The following RNGTT variants were observed in gnomAD, a reference collection of about 807,000 sequenced individuals.
RNGTT encodes the protein RNA guanylyltransferase and 5'-phosphatase, also known as mRNA-capping enzyme.
RNGTT carries 33 observed loss-of-function variants against 79.3 expected under a neutral mutation model. That is an observed-to-expected ratio of 0.42 (90% CI 0.32 to 0.56). The LOEUF (loss-of-function observed/expected upper bound fraction) is 0.56, where lower values mean the gene tolerates loss of function less well. Ranked by LOEUF, RNGTT falls within the 20% of genes least tolerant of loss-of-function variation. The pLI is 0.17. For synonymous variants in RNGTT, 222 were observed against 235.9 expected (o/e 0.94, Z 0.54); for missense variants, 497 against 739.1 (o/e 0.67, Z 3.80).
intron 4 of RNGTT, among the ~76,000 whole-genome samples, chr6:88,914,098 TAGG>T (rs1783920727): frequency 6.6e-6 from 1 of 152,188 alleles, no homozygotes; most frequent in South Asian, 2.1e-4. Flanking sequence ...AGATCTGTAC[TAGG>T]AGAACTACAA....
chr6:88,611,519 CAATCAATTAGCCGCCCTTTA>C lies in RNGTT; in HGVS notation c.*1180_*1199del, dbSNP rs66919167. On this transcript the variant is annotated 3_prime_UTR_variant, in exon 16 of 16. Transcript: ENST00000369485. ...AGAACAGTTTATCAACAATGGCAGACAATCAATTAGCCGCCCTTTAAATCCATTATCTATCAGTAAACATT... is the reference window on the plus strand; with the variant it reads ...AGAACAGTTTATCAACAATGGCAGACAATCCATTATCTATCAGTAAACATT... 0.12 allele frequency: 17,874 copies of C among 152,510 alleles called. 1,052 individuals carry two copies. Among genetic ancestry groups the C allele is most frequent in the Middle Eastern group, 0.15 (44 of 294 alleles). 9.4% of individuals were successfully genotyped at this position (152,510 alleles called of 1,614,324 possible).
chr6:88,762,024 T>C (rs960984321), intron 13 of RNGTT, among the ~76,000 whole-genome samples: 4 of 151,726 alleles, frequency 2.6e-5, no homozygotes, highest in Non-Finnish European at 5.9e-5. Context: ...CCCAGACCAC[T>C]AGGGGATTAC....
chr6:88,686,862 T>C (rs1775297889), intron 13 of RNGTT, among the ~76,000 whole-genome samples: 1 of 151,344 alleles, frequency 6.6e-6, no homozygotes, highest in Non-Finnish European at 1.5e-5. Flanking sequence ...GGAATCTAAG[T>C]ACAAAAAAAG....
intron 11 of RNGTT, among the ~76,000 whole-genome samples, chr6:88,836,013 C>T (rs868817543): frequency 1.6e-4 from 19 of 121,862 alleles, no homozygotes; most frequent in African/African-American, 4.9e-4. Flanking sequence ...CACACACACA[C>T]ACACACACAC....
At chr6:88,879,857 A>G (rs1054108162) in intron 8 of RNGTT, among the ~76,000 whole-genome samples, 1 of 152,186 alleles carries the variant, frequency 6.6e-6, no homozygotes, top group Non-Finnish European at 1.5e-5. Flanking sequence ...TTGTCAAACT[A>G]TGATCCAAAA....
rs555622759 is a variant in RNGTT, at chr6:88,717,033, T to C, written c.1440-38614A>G. ...AGATCACCTGACTCATTTGAAACTT[T>C]ATCTTTCAGGGTGTGGGACAGCCTC... On this transcript the variant is annotated intron_variant, in intron 13 of 15. Transcript: ENST00000369485. 7.9e-5 allele frequency among the ~76,000 whole-genome samples: 12 copies of C among 152,328 alleles called. 1 individual carries two copies. In the East Asian group the frequency reaches 2.3e-3, roughly 29 times the overall value.
rs1778582892 is a variant in RNGTT at position 88,769,685 on chromosome 6, T to C, written c.1439+89A>G. 8 of 647,030 alleles carry C rather than the reference T, an allele frequency of 1.2e-5. No homozygotes were observed. The South Asian group carries it at 2.3e-4, about 18-fold the overall frequency. 40.1% of individuals were successfully genotyped at this position (647,030 alleles called of 1,614,324 possible). A position where few individuals can be genotyped will look rare whatever the true frequency, so the allele number is the denominator to read the frequency against. On this transcript the variant is annotated intron_variant, in intron 13 of 15. Coordinates refer to ENST00000369485, the MANE Select transcript of RNGTT (RefSeq NM_003800.5). ...ATTTTAGTTTCTTTCTTTAAAGTAT[T>C]GTAAAGTATATATGAAATACCCTGT...
At chr6:88,963,189 T>C (rs1419359365) in intron 1 of RNGTT, among the ~76,000 whole-genome samples, 157 bp downstream of exon 1, 2 of 142,344 alleles carry the variant, frequency 1.4e-5, no homozygotes, top group Non-Finnish European at 3.0e-5. Flanking sequence ...CTCCCGTTCA[T>C]GTTCCCATTC....
At chr6:88,844,174 A>T (rs1222070577) in intron 11 of RNGTT, among the ~76,000 whole-genome samples, 183 bp downstream of exon 11, 2 of 152,078 alleles carry the variant, frequency 1.3e-5, no homozygotes, top group East Asian at 3.9e-4. Flanking sequence ...CACCACTGAG[A>T]ATCTTATTCA....
rs1301923641 is a variant in RNGTT at position 88,805,731 on chromosome 6, G to T, written c.1270-4099C>A. Among the ~76,000 whole-genome samples the T allele has an allele frequency of 2.0e-5, 3 of 151,832 alleles. No homozygotes were observed. In the East Asian group the frequency reaches 5.8e-4, roughly 29 times the overall value. ...GAAGAAAAACTAAGAAAACTCCACA[G>T]TCTTCACAAGTCTGGCACTGAGCGG... On this transcript the variant is annotated intron_variant, in intron 11 of 15. Transcript: ENST00000369485.
At chr6:88,924,337 C>T (rs9362589) in intron 4 of RNGTT, among the ~76,000 whole-genome samples, 140,131 of 152,278 alleles carry the variant, frequency 0.92, 64,722 homozygotes, top group East Asian at 1. Context: ...TGTTTCTTGG[C>T]TTCTTGTATT....
At chr6:88,638,475 T>C (rs1257634415) in intron 14 of RNGTT, among the ~76,000 whole-genome samples, 1 of 152,118 alleles carries the variant, frequency 6.6e-6, no homozygotes, top group Non-Finnish European at 1.5e-5. Flanking sequence ...AAGAAATCCA[T>C]TAATTAGCTT....
intron 13 of RNGTT, among the ~76,000 whole-genome samples, chr6:88,680,754 A>T (rs971523019): frequency 6.9e-4 from 105 of 151,928 alleles, no homozygotes; most frequent in Non-Finnish European, 8.1e-4. Flanking sequence ...AAAAAAAAAA[A>T]AAAAGCCTAC....
intron 13 of RNGTT, among the ~76,000 whole-genome samples, chr6:88,696,619 C>T (rs1003669769): frequency 6.6e-6 from 1 of 151,998 alleles, no homozygotes; most frequent in Non-Finnish European, 1.5e-5. Context: ...CACACACACA[C>T]ACACACACAC....
chr6:88,750,580 T>G (rs1777808825), intron 13 of RNGTT, among the ~76,000 whole-genome samples: 1 of 152,168 alleles, frequency 6.6e-6, no homozygotes, highest in Non-Finnish European at 1.5e-5. Context: ...CATTTACTAC[T>G]GTTCACTACC....
chr6:88,784,707 G>A (rs1317235751), intron 12 of RNGTT, among the ~76,000 whole-genome samples: 3 of 152,086 alleles, frequency 2.0e-5, no homozygotes, highest in African/African-American at 7.2e-5. Flanking sequence ...CTTCTAAAAT[G>A]TGGAATTGCT....
At chr6:88,912,664 G>C (rs1450456017) in intron 4 of RNGTT, among the ~76,000 whole-genome samples, 2 of 151,978 alleles carry the variant, frequency 1.3e-5, no homozygotes, top group East Asian at 3.9e-4. Flanking sequence ...GAAAAAAAAA[G>C]AGGGAAGATC....
At chr6:88,680,541 A>C (rs935582937) in intron 13 of RNGTT, among the ~76,000 whole-genome samples, 2 of 152,090 alleles carry the variant, frequency 1.3e-5, no homozygotes, top group African/African-American at 4.8e-5. Context: ...CAGGAGTTTG[A>C]GACCAGCCTG....
intron 14 of RNGTT, among the ~76,000 whole-genome samples, chr6:88,650,676 T>C (rs955829463): frequency 1.3e-5 from 2 of 152,208 alleles, no homozygotes; most frequent in Non-Finnish European, 2.9e-5. Context: ...GCATAGGTGA[T>C]TTATTTACAT....
Sources: allele counts gnomAD v4.1 joint callset (sites outside exome capture counted in the v4.1 genomes callset), GRCh38; gene constraint gnomAD v4.1.1; transcripts MANE v1.5; gene names NCBI Gene and HGNC (gene_info 2026-07-23, HGNC 2026-07-21).